The following CRYL1 variants were observed in gnomAD, a reference collection of about 807,000 sequenced individuals.
CRYL1 encodes lambda-crystallin homolog.
CRYL1 carries 29 observed loss-of-function variants against 36.6 expected under a neutral mutation model. The ratio of observed to expected loss-of-function variants is 0.79; its 90% confidence interval spans 0.59 to 1.08. The LOEUF (loss-of-function observed/expected upper bound fraction) is 1.08. Among genes scored for constraint, CRYL1 ranks in the 50% least tolerant of loss-of-function variants. The pLI is 0.00. For missense variants in CRYL1, 411 were observed against 407.9 expected, an observed-to-expected ratio of 1.01 and a Z score of -0.06; for synonymous variants, 152 against 151.5, an observed-to-expected ratio of 1.00 and a Z score of -0.02.
intron 6 of CRYL1, among the ~76,000 whole-genome samples, chr13:20,409,603 A>G (rs1468117601): frequency 8.6e-5 from 13 of 151,902 alleles, no homozygotes; most frequent in African/African-American, 2.9e-4. Flanking sequence ...GCAACCTACA[A>G]AATGGGAGAA....
In CRYL1 at chr13:20,515,393, A is replaced by G. The variant is rs376936764; in HGVS notation, c.42-2843T>C. Among the ~76,000 whole-genome samples the G allele has an allele frequency of 8.4e-4, 128 of 152,338 alleles. 1 individual carries two copies. Among genetic ancestry groups the G allele is most frequent in the African/African-American group, 2.6e-3 (110 of 41,580 alleles). On this transcript the variant is annotated intron_variant, in intron 1 of 7. Coordinates refer to ENST00000298248, the MANE Select transcript of CRYL1 (RefSeq NM_015974.3). The stretch of plus-strand genomic sequence containing the variant: ...TGCTTTGACAACCAACTCGTGCCGT[A>G]AAAATGTAAAGCAATAATACTTAAA...
chr13:20,504,306 T>C (rs1167941868), intron 2 of CRYL1, among the ~76,000 whole-genome samples: 2 of 145,888 alleles, frequency 1.4e-5, no homozygotes, highest in African/African-American at 2.5e-5. Context: ...TCTTTTCTTT[T>C]TTTTTTTTTT....
Position 20,478,382 on chromosome 13 carries a change from T to C in CRYL1, c.276+10988A>G, listed in dbSNP as rs7320606. ...CAATTTGGTTTCCATCTAGACTGAC[T>C]ATATCATCAACATGAAGTCAACTTT... On this transcript the variant is annotated intron_variant, in intron 3 of 7. Transcript: ENST00000298248. Among the ~76,000 whole-genome samples, 116,043 of 152,092 alleles carry C rather than the reference T, an allele frequency of 0.76. 44,622 individuals are homozygous for C. Among genetic ancestry groups the C allele is most frequent in the African/African-American group, 0.85 (35,099 of 41,464 alleles).
intron 4 of CRYL1, among the ~76,000 whole-genome samples, chr13:20,437,384 T>C (rs899171563): frequency 2.6e-5 from 4 of 151,398 alleles, no homozygotes; most frequent in Admixed American, 6.6e-5. Flanking sequence ...CTCGGCTCAC[T>C]GCAAGCTCCA....
At chr13:20,463,327 A>C (rs932889773) in intron 3 of CRYL1, among the ~76,000 whole-genome samples, 3 of 152,234 alleles carry the variant, frequency 2.0e-5, no homozygotes, top group Non-Finnish European at 4.4e-5. Context: ...TCTTACCTTG[A>C]AAACACAGAT....
At chr13:20,524,866 TG>T (rs1211613935) in intron 1 of CRYL1, among the ~76,000 whole-genome samples, 1 of 151,384 alleles carries the variant, frequency 6.6e-6, no homozygotes, top group African/African-American at 2.4e-5. Context: ...TGTACACTGA[TG>T]GGGGGCGGAG....
intron 3 of CRYL1, among the ~76,000 whole-genome samples, chr13:20,473,343 T>G (rs1404074909): frequency 6.6e-6 from 1 of 152,236 alleles, no homozygotes; most frequent in African/African-American, 2.4e-5. Context: ...CTATATTTTA[T>G]GTGGAAATTT....
intron 3 of CRYL1, among the ~76,000 whole-genome samples, chr13:20,454,244 A>G (rs545169713): frequency 6.6e-6 from 1 of 152,302 alleles, no homozygotes; most frequent in East Asian, 1.9e-4. Context: ...ACAAAAAAGG[A>G]TAGTGCGTTA....
chr13:20,487,333 A>G (rs889678650), intron 3 of CRYL1, among the ~76,000 whole-genome samples: 1 of 152,186 alleles, frequency 6.6e-6, no homozygotes, highest in African/African-American at 2.4e-5. Context: ...AATGTTTGAG[A>G]ATTAGTCTTT....
At chr13:20,505,084 A>G (rs1383445862) in intron 2 of CRYL1, among the ~76,000 whole-genome samples, 10 of 152,136 alleles carry the variant, frequency 6.6e-5, no homozygotes, top group African/African-American at 2.4e-4. Context: ...GGCTGGGCAC[A>G]GTGGCTCACG....
chr13:20,411,134 A>G (rs1488439347), intron 6 of CRYL1, among the ~76,000 whole-genome samples: 2 of 152,202 alleles, frequency 1.3e-5, no homozygotes, highest in African/African-American at 4.8e-5. Flanking sequence ...AAGAAGAAAA[A>G]TTCTCCCAAC....
chr13:20,484,167 C>T (rs2033346439), intron 3 of CRYL1, among the ~76,000 whole-genome samples: 1 of 152,090 alleles, frequency 6.6e-6, no homozygotes, highest in African/African-American at 2.4e-5. Context: ...TCCAAGTAGC[C>T]TAGATTGATT....
intron 2 of CRYL1, among the ~76,000 whole-genome samples, chr13:20,505,284 G>A (rs1439319910): frequency 6.7e-6 from 1 of 149,280 alleles, no homozygotes; most frequent in East Asian, 2.0e-4. Context: ...TTGAACCCGG[G>A]AGGCAGAAGT....
At chr13:20,523,444 TA>T (rs2034132418) in intron 1 of CRYL1, among the ~76,000 whole-genome samples, 1 of 152,162 alleles carries the variant, frequency 6.6e-6, no homozygotes, top group Non-Finnish European at 1.5e-5. Context: ...ATGAAATCTA[TA>T]AACTGATAAG....
intron 3 of CRYL1, among the ~76,000 whole-genome samples, chr13:20,451,125 G>A (rs2032563214): frequency 6.6e-6 from 1 of 151,786 alleles, no homozygotes; most frequent in South Asian, 2.1e-4. Flanking sequence ...CGAGTTAATG[G>A]GTGCAGCACA....
At chr13:20,433,088 T>C (rs569720071) in intron 4 of CRYL1, among the ~76,000 whole-genome samples, 350 of 152,292 alleles carry the variant, frequency 2.3e-3, no homozygotes, top group Non-Finnish European at 4.3e-3. Context: ...ACCTTAAGTG[T>C]CTGCCTCTTC....
In CRYL1 at chr13:20,424,742, GC is replaced by G. The variant is rs534481593; in HGVS notation, c.633+7359del. ...CCGCACAGGCCTAGCCCAGGGCAAA[GC>G]CGGCAGAGGGAGAACACATCCTTTC... On this transcript the variant is annotated intron_variant, in intron 5 of 7. Coordinates refer to ENST00000298248, the MANE Select transcript of CRYL1 (RefSeq NM_015974.3). Among the ~76,000 whole-genome samples, 102 of 152,276 alleles carry G rather than the reference GC, an allele frequency of 6.7e-4. 1 individual carries two copies. Among genetic ancestry groups the G allele is most frequent in the African/African-American group, 2.4e-3 (98 of 41,558 alleles).
chr13:20,426,690 A>G, intron 5 of CRYL1: 1 of 985,418 alleles, frequency 1.0e-6, no homozygotes, highest in Non-Finnish European at 1.2e-6. Flanking sequence ...TTTGCCACAA[A>G]AAAGCCTCAT....
chr13:20,512,923 T>G (rs1430860800), intron 1 of CRYL1, among the ~76,000 whole-genome samples: 1 of 152,148 alleles, frequency 6.6e-6, no homozygotes, highest in Non-Finnish European at 1.5e-5. Context: ...GTTGTATATT[T>G]CAGAACAGCT....
Sources: gnomAD v4.1 joint callset for allele counts (sites outside exome capture counted in the v4.1 genomes callset) on GRCh38, gnomAD v4.1.1 for gene constraint, MANE v1.5 for transcripts, NCBI Gene and HGNC (gene_info 2026-07-23, HGNC 2026-07-21) for gene names.